The following DOCK4 variants were observed in gnomAD, a reference collection of about 807,000 sequenced individuals.
The protein encoded by DOCK4 is dedicator of cytokinesis 4.
DOCK4 carries 97 observed loss-of-function variants against 268.1 expected under a neutral mutation model. That is an observed-to-expected ratio of 0.36 (90% CI 0.31 to 0.43). DOCK4 has a LOEUF of 0.43. Among genes scored for constraint, DOCK4 ranks in the 20% least tolerant of loss-of-function variants. The pLI is 1.00. For missense variants in DOCK4, 2,145 were observed against 2,455.7 expected (o/e 0.87, Z 2.67); for synonymous variants, 954 against 887.2 (o/e 1.08, Z -1.34).
At chr7:111,983,844 A>ATGCGCGCGCGCGCG (rs1554402959) in intron 7 of DOCK4, among the ~76,000 whole-genome samples, 1 of 138,940 alleles carries the variant, frequency 7.2e-6, no homozygotes, top group African/African-American at 2.9e-5. Context: ...GTACACACAC[A>ATGCGCGCGCGCGCG]CGCGCGCGCG....
chr7:112,142,712 G>C (rs918669844), intron 1 of DOCK4, among the ~76,000 whole-genome samples: 1 of 151,872 alleles, frequency 6.6e-6, no homozygotes, highest in Non-Finnish European at 1.5e-5. Flanking sequence ...ACAGGATCCT[G>C]AATTTTGTGT....
intron 1 of DOCK4, among the ~76,000 whole-genome samples, chr7:112,113,104 AG>A (rs1811815202): frequency 6.6e-6 from 1 of 152,248 alleles, no homozygotes; most frequent in South Asian, 2.1e-4. Context: ...ACAACAAATT[AG>A]GTCAGAGGCT....
At chr7:111,913,941 T>C (rs976953869) in intron 13 of DOCK4, among the ~76,000 whole-genome samples, 7 of 152,136 alleles carry the variant, frequency 4.6e-5, no homozygotes, top group African/African-American at 1.7e-4. Context: ...ACAGCCATGT[T>C]GGCTATGACT....
rs1802081519 is a variant in DOCK4, at chr7:112,018,784, A to G, written c.38-14653T>C. On this transcript the variant is annotated intron_variant, in intron 1 of 52. Transcript: ENST00000428084. ...AAATATTTCTCCTTTCCCCTCTACT[A>G]TGAAACTTGCCAAACAAATGAGATA... 2.0e-5 allele frequency among the ~76,000 whole-genome samples: 3 copies of G among 148,676 alleles called. No homozygotes were observed. In the Admixed American group the frequency reaches 2.1e-4, roughly 10 times the overall value.
intron 13 of DOCK4, among the ~76,000 whole-genome samples, chr7:111,910,847 C>T (rs184136404): frequency 3.3e-5 from 5 of 152,250 alleles, no homozygotes; most frequent in Admixed American, 2.0e-4. Flanking sequence ...GTGTGACAGA[C>T]CCTTAACCAA....
At chr7:111,880,470 G>C (rs528566156) in intron 16 of DOCK4, among the ~76,000 whole-genome samples, 2 of 152,138 alleles carry the variant, frequency 1.3e-5, no homozygotes, top group African/African-American at 4.8e-5. Context: ...TCTTCAATCC[G>C]AAAGAAAAGG....
chr7:111,915,644 G>A, intron 13 of DOCK4, 135 bp downstream of exon 13: 1 of 803,702 alleles, frequency 1.2e-6, no homozygotes, highest in Non-Finnish European at 1.8e-6. Flanking sequence ...CTTACTTACA[G>A]TCACATACCT....
chr7:112,122,668 A>G (rs1185111311), intron 1 of DOCK4, among the ~76,000 whole-genome samples: 1 of 152,158 alleles, frequency 6.6e-6, no homozygotes, highest in African/African-American at 2.4e-5. Flanking sequence ...TATTGAGAGG[A>G]TGATATATTT....
At chr7:111,835,757 GA>G (rs1207503487) in intron 25 of DOCK4, among the ~76,000 whole-genome samples, 1 of 152,154 alleles carries the variant, frequency 6.6e-6, no homozygotes, top group Non-Finnish European at 1.5e-5. Context: ...AAAGCCCTGA[GA>G]AGGGAATTTT....
chr7:111,837,779 T>C (rs1393566608), intron 25 of DOCK4, among the ~76,000 whole-genome samples: 1 of 152,068 alleles, frequency 6.6e-6, no homozygotes, highest in East Asian at 1.9e-4. Flanking sequence ...GATTGGGAAA[T>C]GCAATATTGT....
intron 13 of DOCK4, among the ~76,000 whole-genome samples, chr7:111,902,981 G>T (rs1354929083): frequency 6.6e-6 from 1 of 152,106 alleles, no homozygotes; most frequent in East Asian, 1.9e-4. Flanking sequence ...CTGTTAGCCA[G>T]GGTGGTCTCG....
intron 1 of DOCK4, among the ~76,000 whole-genome samples, chr7:112,026,918 A>C (rs1563007497): frequency 6.6e-6 from 1 of 152,162 alleles, no homozygotes; most frequent in Non-Finnish European, 1.5e-5. Flanking sequence ...CAAATTAAAG[A>C]GAGTGGAAAT....
chr7:111,926,344 T>C lies in DOCK4; in HGVS notation c.1066+9196A>G, dbSNP rs369342738. On this transcript the variant is annotated intron_variant, in intron 12 of 52. Coordinates refer to ENST00000428084, the MANE Select transcript of DOCK4 (RefSeq NM_001363540.2). Reference sequence around the variant, plus strand: ...TATTCAGGAGGCTGAGGCAGGGAAATCACTTGAACCCGGGAGGCGGAGGTT... The same window carrying C: ...TATTCAGGAGGCTGAGGCAGGGAAACCACTTGAACCCGGGAGGCGGAGGTT... Among the ~76,000 whole-genome samples, 44 of 137,638 alleles carry C rather than the reference T, an allele frequency of 3.2e-4. No homozygotes were observed. In the East Asian group the frequency reaches 6.2e-3, roughly 19 times the overall value. The allele number at this position is 137,638 out of a possible 152,430, so 90.3% of individuals were successfully genotyped here.
chr7:112,179,261 C>A (rs1011098354), intron 1 of DOCK4, among the ~76,000 whole-genome samples: 3 of 151,986 alleles, frequency 2.0e-5, no homozygotes, highest in African/African-American at 7.3e-5. Flanking sequence ...TGGCATATGC[C>A]TGTAATCCCA....
chr7:112,139,403 A>G (rs1235790546), intron 1 of DOCK4, among the ~76,000 whole-genome samples: 2 of 152,222 alleles, frequency 1.3e-5, no homozygotes, highest in Non-Finnish European at 2.9e-5. Context: ...CACTAATCCC[A>G]ACAGAAGGCA....
intron 28 of DOCK4, 110 bp from the exon 29 acceptor site, chr7:111,809,511 G>T: frequency 2.4e-6 from 2 of 831,700 alleles, no homozygotes; most frequent in Non-Finnish European, 3.9e-6. Flanking sequence ...TATAGTTGAA[G>T]TAAGACTGAC....
chr7:112,161,231 A>G (rs1193852534), intron 1 of DOCK4, among the ~76,000 whole-genome samples: 1 of 152,152 alleles, frequency 6.6e-6, no homozygotes, highest in Non-Finnish European at 1.5e-5. Flanking sequence ...GAAAAGGTTG[A>G]GAAAAAAAAA....
At chr7:112,125,877 T>C (rs1813175319) in intron 1 of DOCK4, among the ~76,000 whole-genome samples, 2 of 152,288 alleles carry the variant, frequency 1.3e-5, no homozygotes, top group African/African-American at 4.8e-5. Context: ...GGCGTGATCA[T>C]GGCTCATTGC....
intron 1 of DOCK4, among the ~76,000 whole-genome samples, chr7:112,196,940 A>G (rs986823629): frequency 3.3e-5 from 5 of 152,106 alleles, no homozygotes; most frequent in African/African-American, 1.2e-4. Flanking sequence ...ACTTAAATCT[A>G]TTCTCTTAGC....
Sources: gnomAD v4.1 joint callset for allele counts (sites outside exome capture counted in the v4.1 genomes callset) on GRCh38, gnomAD v4.1.1 for gene constraint, MANE v1.5 for transcripts, NCBI Gene and HGNC (gene_info 2026-07-23, HGNC 2026-07-21) for gene names.